CNTN3: variants seen among roughly 807,000 people sequenced by gnomAD.
CNTN3 encodes the protein contactin-3.
A neutral mutation model predicts 119.1 loss-of-function variants in CNTN3; 60 were observed. The ratio of observed to expected loss-of-function variants is 0.50; its 90% confidence interval spans 0.41 to 0.62. The LOEUF is 0.62. Among genes scored for constraint, CNTN3 ranks in the 20% least tolerant of loss-of-function variants. CNTN3 has a pLI of 0.00. For synonymous variants in CNTN3, 450 were observed against 438.7 expected (o/e 1.03, Z -0.32); for missense variants, 1,101 against 1,242.4 (o/e 0.89, Z 1.71).
At chr3:74,485,518 T>C (rs995712384) in intron 4 of CNTN3, among the ~76,000 whole-genome samples, 3 of 151,960 alleles carry the variant, frequency 2.0e-5, no homozygotes, top group Non-Finnish European at 4.4e-5. Context: ...ATTGTTAAAA[T>C]AGAAAGCAAA....
At chr3:74,312,425 C>T in intron 13 of CNTN3, among the ~76,000 whole-genome samples, 1 of 133,886 alleles carries the variant, frequency 7.5e-6, no homozygotes, top group African/African-American at 2.9e-5. Context: ...CACTGCACTC[C>T]AGCCTGGGTG....
chr3:74,442,300 A>G (rs1374295876), intron 4 of CNTN3, among the ~76,000 whole-genome samples: 1 of 151,922 alleles, frequency 6.6e-6, no homozygotes, highest in Non-Finnish European at 1.5e-5. Flanking sequence ...CTCTTTTTCT[A>G]GGCTAAGGTC....
chr3:74,280,037 G>C (rs1489676027), intron 20 of CNTN3, among the ~76,000 whole-genome samples: 1 of 151,968 alleles, frequency 6.6e-6, no homozygotes, highest in Admixed American at 6.6e-5. Flanking sequence ...CAATTCAATG[G>C]CTAAATGTTT....
At chr3:74,435,594 C>T (rs1213267339) in intron 4 of CNTN3, among the ~76,000 whole-genome samples, 4 of 152,150 alleles carry the variant, frequency 2.6e-5, no homozygotes, top group Admixed American at 2.0e-4. Flanking sequence ...TATGCTTCAT[C>T]CACACTGAGT....
Position 74,337,281 on chromosome 3 carries a change from A to C in CNTN3, c.1365-623T>G, listed in dbSNP as rs9817242. On this transcript the variant is annotated intron_variant, in intron 11 of 22. Transcript: ENST00000263665. ...CAAAGCTTTGGCATCTGACTAATTA[A>C]TTAAGGAAATATAACTGAGTGCTTT... is the stretch of plus-strand genomic sequence containing the variant. Among the ~76,000 whole-genome samples, 1,505 of 152,228 alleles carry C rather than the reference A, an allele frequency of 9.9e-3. 21 individuals carry two copies. Among genetic ancestry groups the C allele is most frequent in the African/African-American group, 0.035 (1,442 of 41,540 alleles).
At chr3:74,499,889 G>T (rs1703134100) in intron 2 of CNTN3, 104 bp from the exon 3 acceptor site, 1 of 1,122,550 alleles carries the variant, frequency 8.9e-7, no homozygotes. Context: ...TTCTAGTACT[G>T]CTCCATTTGC....
chr3:74,517,549 C>T (rs1297349235), intron 2 of CNTN3, among the ~76,000 whole-genome samples: 3 of 151,874 alleles, frequency 2.0e-5, no homozygotes, highest in Non-Finnish European at 4.4e-5. Flanking sequence ...TTACGGACCT[C>T]AATGTATTTT....
chr3:74,533,041 C>T (rs982916415), intron 1 of CNTN3, among the ~76,000 whole-genome samples: 1 of 151,930 alleles, frequency 6.6e-6, no homozygotes, highest in Admixed American at 6.6e-5. Context: ...GGGATGGAGG[C>T]ATTTTCTGGA....
intron 5 of CNTN3, among the ~76,000 whole-genome samples, chr3:74,398,591 C>A (rs1705113129): frequency 6.6e-6 from 1 of 151,794 alleles, no homozygotes; most frequent in Non-Finnish European, 1.5e-5. Flanking sequence ...CACAATATAT[C>A]TGAGATATGT....
At chr3:74,289,302 T>C (rs1702179250) in intron 19 of CNTN3, among the ~76,000 whole-genome samples, 2 of 152,280 alleles carry the variant, frequency 1.3e-5, no homozygotes, top group South Asian at 4.1e-4. Flanking sequence ...AAATGTTTAA[T>C]CGTTGTTTCC....
chr3:74,356,506 C>T (rs545022427), intron 11 of CNTN3, among the ~76,000 whole-genome samples: 1 of 152,016 alleles, frequency 6.6e-6, no homozygotes, highest in Non-Finnish European at 1.5e-5. Context: ...TGTACTTTGC[C>T]AATTGAGTTT....
At chr3:74,291,090 C>T (rs1702222203) in intron 19 of CNTN3, among the ~76,000 whole-genome samples, 1 of 151,894 alleles carries the variant, frequency 6.6e-6, no homozygotes. Flanking sequence ...TGATGTTCCC[C>T]ACCCTGTGTC....
rs1703201992 is a variant in CNTN3 at position 74,503,529 on chromosome 3, T to A, written c.56-3744A>T. ...TGATGAGAGATGCTGGGTTTCATGT[T>A]CTAGTCTCTTGCCAGCAATATAAAC... is the stretch of plus-strand genomic sequence containing the variant. On this transcript the variant is annotated intron_variant, in intron 2 of 22. Transcript: ENST00000263665. Among the ~76,000 whole-genome samples the A allele has an allele frequency of 4.6e-5, 7 of 152,294 alleles. 1 individual carries two copies. The South Asian group carries it at 1.4e-3, about 32-fold the overall frequency.
chr3:74,336,921 T>C (rs185240009), intron 11 of CNTN3, among the ~76,000 whole-genome samples: 2 of 152,196 alleles, frequency 1.3e-5, no homozygotes, highest in Admixed American at 1.3e-4. Flanking sequence ...CATTACTTAT[T>C]ACACCAAAGT....
chr3:74,573,251 A>G (rs960260283), intron 1 of CNTN3, among the ~76,000 whole-genome samples: 2 of 152,002 alleles, frequency 1.3e-5, no homozygotes, highest in Admixed American at 1.3e-4. Flanking sequence ...CTGGCAAAGC[A>G]GACAGTGTCC....
intron 13 of CNTN3, among the ~76,000 whole-genome samples, chr3:74,304,946 T>G (rs1252309873): frequency 6.6e-6 from 1 of 152,136 alleles, no homozygotes; most frequent in Admixed American, 6.6e-5. Flanking sequence ...ATAAAATATA[T>G]TTGTATTATT....
chr3:74,595,966 T>G (rs1704801248), intron 1 of CNTN3, among the ~76,000 whole-genome samples: 2 of 152,100 alleles, frequency 1.3e-5, no homozygotes, highest in Non-Finnish European at 2.9e-5. Flanking sequence ...AAAATCTCCT[T>G]AAGATGATAA....
intron 13 of CNTN3, among the ~76,000 whole-genome samples, chr3:74,318,503 A>G (rs1702895033): frequency 1.3e-5 from 2 of 152,098 alleles, no homozygotes. Flanking sequence ...GGTCACGTAC[A>G]GAGGGGTTTT....
chr3:74,513,035 A>G (rs1243638998), intron 2 of CNTN3, among the ~76,000 whole-genome samples: 1 of 139,118 alleles, frequency 7.2e-6, no homozygotes, highest in Non-Finnish European at 1.5e-5. Flanking sequence ...ATAATGAAAA[A>G]CTTATTTGGA....
Sources: allele counts gnomAD v4.1 joint callset (sites outside exome capture counted in the v4.1 genomes callset), GRCh38; gene constraint gnomAD v4.1.1; transcripts MANE v1.5; gene names NCBI Gene and HGNC (gene_info 2026-07-23, HGNC 2026-07-21).